SEL1L2: variants seen among roughly 807,000 people sequenced by gnomAD.
SEL1L2 encodes the protein SEL1L2 adaptor subunit of SYVN1 ubiquitin ligase, also known as protein sel-1 homolog 2.
In SEL1L2, 89 loss-of-function variants were observed where a neutral mutation model predicts 98.8. The observed-to-expected ratio is 0.90, with a 90% CI of 0.76 to 1.07. The LOEUF (loss-of-function observed/expected upper bound fraction) is 1.07. Ranked by LOEUF, SEL1L2 falls within the 50% of genes least tolerant of loss-of-function variation. The pLI is 0.00. For missense variants in SEL1L2, 788 were observed against 812.0 expected (o/e 0.97, Z 0.36); for synonymous variants, 262 against 278.5 (o/e 0.94, Z 0.59).
chr20:13,984,802 GCTT>G (rs1436459659), intron 1 of SEL1L2, among the ~76,000 whole-genome samples: 1 of 139,666 alleles, frequency 7.2e-6, no homozygotes, highest in Non-Finnish European at 1.6e-5. Context: ...AATTTTTTTT[GCTT>G]TTTTCATTTT....
intron 2 of SEL1L2, among the ~76,000 whole-genome samples, chr20:13,940,592 A>G (rs1442816470): frequency 6.6e-6 from 1 of 152,232 alleles, no homozygotes; most frequent in Non-Finnish European, 1.5e-5. Flanking sequence ...TTTTAGAACA[A>G]AAGACTATTC....
In SEL1L2 at chr20:13,903,494, A is replaced by G. The variant is rs181682781; in HGVS notation, c.549+10288T>C. On this transcript the variant is annotated intron_variant, in intron 5 of 19. Transcript: ENST00000284951. The stretch of plus-strand genomic sequence containing the variant: ...CACACACTTATGTGTGCCATTGGTA[A>G]TATGCCTTTCTTTCTATCCTTCTTA... 9.8e-5 allele frequency among the ~76,000 whole-genome samples: 15 copies of G among 152,312 alleles called. No individual in the cohort carries two copies. In the East Asian group the frequency reaches 2.9e-3, roughly 29 times the overall value.
At chr20:13,862,092 A>G (rs1156307400) in intron 17 of SEL1L2, among the ~76,000 whole-genome samples, 1 of 152,168 alleles carries the variant, frequency 6.6e-6, no homozygotes, top group Non-Finnish European at 1.5e-5. Context: ...ACTCTTAATC[A>G]CTGACACAAT....
At chr20:13,967,509 C>T (rs1369940046) in intron 1 of SEL1L2, among the ~76,000 whole-genome samples, 1 of 152,142 alleles carries the variant, frequency 6.6e-6, no homozygotes, top group Non-Finnish European at 1.5e-5. Context: ...ATCTCAACTG[C>T]CTTCTGCCTG....
intron 2 of SEL1L2, among the ~76,000 whole-genome samples, chr20:13,938,067 T>G (rs998727448): frequency 4.7e-5 from 7 of 149,708 alleles, no homozygotes; most frequent in African/African-American, 1.2e-4. Flanking sequence ...GAAAACCGTT[T>G]TTTCTTTTTT....
chr20:13,863,191 A>T (rs563169085), intron 17 of SEL1L2, among the ~76,000 whole-genome samples: 1 of 152,304 alleles, frequency 6.6e-6, no homozygotes, highest in Admixed American at 6.5e-5. Flanking sequence ...TTTTGCCCAA[A>T]GCTGCCTTCC....
chr20:13,870,236 C>T, intron 12 of SEL1L2, 33 bp from the exon 13 acceptor site: 1 of 1,527,768 alleles, frequency 6.5e-7, no homozygotes, highest in East Asian at 2.3e-5. Context: ...AGTAAAGTCC[C>T]AGAAGAATTC....
At chr20:13,980,653 C>A (rs940335288) in intron 1 of SEL1L2, among the ~76,000 whole-genome samples, 1 of 152,142 alleles carries the variant, frequency 6.6e-6, no homozygotes, top group Admixed American at 6.5e-5. Flanking sequence ...CCAAAGGACT[C>A]GAAATCAGTA....
intron 1 of SEL1L2, among the ~76,000 whole-genome samples, chr20:13,976,805 T>C (rs2051561209): frequency 6.6e-6 from 1 of 152,296 alleles, no homozygotes. Flanking sequence ...AATGCATAGA[T>C]GGGAAAACCC....
At chr20:13,924,430 C>CT (rs1244556435) in intron 3 of SEL1L2, among the ~76,000 whole-genome samples, 432 of 144,438 alleles carry the variant, frequency 3.0e-3, no homozygotes, top group Non-Finnish European at 4.6e-3. Flanking sequence ...TTTTCTTTTT[C>CT]TTTTTTTTTT....
intron 2 of SEL1L2, among the ~76,000 whole-genome samples, chr20:13,952,729 T>A (rs2050330193): frequency 6.9e-6 from 1 of 144,762 alleles, no homozygotes; most frequent in Admixed American, 7.1e-5. Context: ...TGGGACTCCT[T>A]TTTTAAAAAA....
chr20:13,877,862 C>T (rs1438430757), intron 10 of SEL1L2, among the ~76,000 whole-genome samples: 2 of 152,114 alleles, frequency 1.3e-5, no homozygotes, highest in Non-Finnish European at 2.9e-5. Flanking sequence ...TGGAAAGCCA[C>T]GATGGGAATG....
intron 2 of SEL1L2, among the ~76,000 whole-genome samples, chr20:13,933,511 T>A (rs1434744770): frequency 6.6e-6 from 1 of 152,342 alleles, no homozygotes; most frequent in East Asian, 1.9e-4. Flanking sequence ...ATGAATAGAA[T>A]CATATAGTAT....
intron 18 of SEL1L2, among the ~76,000 whole-genome samples, chr20:13,852,603 T>C (rs550943360): frequency 6.6e-6 from 1 of 152,362 alleles, no homozygotes; most frequent in South Asian, 2.1e-4. Flanking sequence ...ATTTAACTTT[T>C]CTGTGGTACA....
intron 4 of SEL1L2, among the ~76,000 whole-genome samples, chr20:13,916,476 C>T (rs1177270065): frequency 2.0e-5 from 3 of 152,130 alleles, no homozygotes; most frequent in Non-Finnish European, 2.9e-5. Context: ...TTTCTATGAG[C>T]CCATTAGAGT....
chr20:13,877,634 C>A, intron 10 of SEL1L2, 46 bp from the exon 11 acceptor site: 1 of 1,488,048 alleles, frequency 6.7e-7, no homozygotes, highest in Middle Eastern at 2.0e-4. Context: ...AAAATAAATC[C>A]TTCAAAATAG....
chr20:13,849,275 G>C lies in SEL1L2; in HGVS notation c.*210C>G. The C allele has an allele frequency of 1.9e-6, 1 of 536,146 alleles. No individual in the cohort carries two copies. Among genetic ancestry groups the C allele is most frequent in the Non-Finnish European group, 3.3e-6 (1 of 306,666 alleles). 33.2% of individuals were successfully genotyped at this position (536,146 alleles called of 1,614,324 possible). On this transcript the variant is annotated 3_prime_UTR_variant, in exon 20 of 20. Coordinates refer to ENST00000284951, the MANE Select transcript of SEL1L2 (RefSeq NM_025229.2). Reference sequence around the variant, plus strand: ...TTGGTAACAAGGTCTTAGGTGACCAGTTCCCAGCATCCCGCAAAGGGTTTT... The same window carrying C: ...TTGGTAACAAGGTCTTAGGTGACCACTTCCCAGCATCCCGCAAAGGGTTTT...
intron 5 of SEL1L2, among the ~76,000 whole-genome samples, chr20:13,912,404 TCTC>T (rs1478766549): frequency 6.6e-6 from 1 of 151,200 alleles, no homozygotes; most frequent in Middle Eastern, 3.2e-3. Context: ...TTCAAGCAAT[TCTC>T]CTCCTCAGCC....
intron 1 of SEL1L2, among the ~76,000 whole-genome samples, chr20:13,977,215 G>A (rs2051584382): frequency 6.6e-6 from 1 of 152,174 alleles, no homozygotes; most frequent in Non-Finnish European, 1.5e-5. Flanking sequence ...TGTAAACAAA[G>A]TTGTGGGGCT....
Sources: gnomAD v4.1 joint callset for allele counts (sites outside exome capture counted in the v4.1 genomes callset) on GRCh38, gnomAD v4.1.1 for gene constraint, MANE v1.5 for transcripts, NCBI Gene and HGNC (gene_info 2026-07-23, HGNC 2026-07-21) for gene names.